MYO3A: variants seen among roughly 807,000 people sequenced by gnomAD.
The protein encoded by MYO3A is myosin-IIIa.
A neutral mutation model predicts 192.7 loss-of-function variants in MYO3A; 180 were observed. The ratio of observed to expected loss-of-function variants is 0.93; its 90% CI spans 0.83 to 1.06. MYO3A has a LOEUF of 1.06. MYO3A is among the 50% of genes least tolerant of loss of function. The pLI is 0.00. For missense variants in MYO3A, 1,896 were observed against 1,905.0 expected (o/e 1.00, Z 0.09); for synonymous variants, 628 against 645.3 (o/e 0.97, Z 0.41).
chr10:26,065,264 C>T (rs11014944), intron 10 of MYO3A, among the ~76,000 whole-genome samples: 72,199 of 151,942 alleles, frequency 0.48, 17,961 homozygotes, highest in Middle Eastern at 0.59. Flanking sequence ...GCTGCTTCCA[C>T]AGAGTGTCAA....
intron 31 of MYO3A, among the ~76,000 whole-genome samples, chr10:26,177,612 G>A (rs1842398010): frequency 6.6e-6 from 1 of 152,220 alleles, no homozygotes; most frequent in Admixed American, 6.5e-5. Context: ...CCCAGGAGCT[G>A]TCACGGTAAA....
chr10:26,128,493 A>G lies in MYO3A; in HGVS notation c.2217A>G (p.Glu739=). 6.2e-7 allele frequency: 1 copy of G among 1,612,884 alleles called. No homozygotes were observed. The change falls in exon 20 of 35, where the codon GAA becomes GAG. Residue 739 remains glutamate (E), a synonymous_variant. Coordinates refer to ENST00000642920, the MANE Select transcript of MYO3A (RefSeq NM_017433.5). ...AGCTGTGCATTAACATTGCAAATGA[A>G]CAAATTCAGTATTATTATAATCAAC... ...FEQLCINIAN[E]QIQYYYNQHV...
intron 2 of MYO3A, among the ~76,000 whole-genome samples, chr10:25,950,267 G>A (rs1837125378): frequency 1.3e-5 from 2 of 152,114 alleles, no homozygotes; most frequent in African/African-American, 4.8e-5. Context: ...TGTAGCTTTT[G>A]AGGTCAGAAT....
At chr10:26,071,083 G>A (rs12768879) in intron 14 of MYO3A, among the ~76,000 whole-genome samples, 71,991 of 151,562 alleles carry the variant, frequency 0.47, 17,890 homozygotes, top group Middle Eastern at 0.59. Context: ...GGGCAAAGGA[G>A]CTAGAATAAC....
At chr10:26,064,773 GTCTCTAAC>G (rs1439550124) in intron 10 of MYO3A, among the ~76,000 whole-genome samples, 2 of 152,082 alleles carry the variant, frequency 1.3e-5, no homozygotes, top group Non-Finnish European at 2.9e-5. Flanking sequence ...AGCCAAGGAT[GTCTCTAAC>G]ATCCTGAACA....
intron 7 of MYO3A, 127 bp from the exon 8 acceptor site, chr10:26,021,376 G>A (rs542516954): frequency 1.8e-6 from 2 of 1,109,350 alleles, no homozygotes; most frequent in African/African-American, 1.5e-5. Flanking sequence ...CTAAGTTACT[G>A]CCTTCGTCTT....
intron 4 of MYO3A, among the ~76,000 whole-genome samples, chr10:25,986,162 A>G (rs1839639791): frequency 6.6e-6 from 1 of 152,222 alleles, no homozygotes; most frequent in Non-Finnish European, 1.5e-5. Flanking sequence ...GCATCCCTTT[A>G]TGATTAAAGC....
chr10:26,054,836 A>T (rs777676399), intron 10 of MYO3A, among the ~76,000 whole-genome samples: 1 of 152,244 alleles, frequency 6.6e-6, no homozygotes, highest in African/African-American at 2.4e-5. Context: ...AGCCCTGCTG[A>T]TGACACGGTG....
At chr10:26,001,922 G>A (rs559300130) in intron 6 of MYO3A, among the ~76,000 whole-genome samples, 1 of 152,312 alleles carries the variant, frequency 6.6e-6, no homozygotes, top group Non-Finnish European at 1.5e-5. Flanking sequence ...AGGAGTTCGA[G>A]GCTGCAGTGA....
chr10:26,123,580 G>A (rs552669347), intron 18 of MYO3A, among the ~76,000 whole-genome samples: 1 of 152,310 alleles, frequency 6.6e-6, no homozygotes, highest in African/African-American at 2.4e-5. Flanking sequence ...TTATTTGGCT[G>A]AGAGGAGTGT....
intron 6 of MYO3A, among the ~76,000 whole-genome samples, chr10:26,012,364 C>G (rs1408906886): frequency 6.6e-6 from 1 of 152,132 alleles, no homozygotes; most frequent in African/African-American, 2.4e-5. Context: ...CCAAAAAACT[C>G]TTAGATTTGA....
chr10:26,119,106 T>A (rs1838694908), intron 17 of MYO3A, among the ~76,000 whole-genome samples: 1 of 152,194 alleles, frequency 6.6e-6, no homozygotes, highest in African/African-American at 2.4e-5. Context: ...ATAGTTCATG[T>A]CTGGTGCCTT....
At chr10:26,120,898 A>G in intron 18 of MYO3A, 96 bp downstream of exon 18, 2 of 1,476,300 alleles carry the variant, frequency 1.4e-6, no homozygotes, top group Admixed American at 1.8e-5. Context: ...AATTGTGCTA[A>G]CCTAGAATCC....
rs559912851 is a variant in MYO3A, at chr10:26,002,250, C to T, written c.508+4992C>T. Among the ~76,000 whole-genome samples the T allele has an allele frequency of 2.0e-5, 3 of 152,298 alleles. No individual in the cohort carries two copies. In the East Asian group the frequency reaches 5.8e-4, roughly 29 times the overall value. ...GCATAGAAACCTTCCCTCTCCTCTG[C>T]ACTGTTATATATAAAGTTTCAGTAC... is the stretch of plus-strand genomic sequence containing the variant. On this transcript the variant is annotated intron_variant, in intron 6 of 34. Coordinates refer to ENST00000642920, the MANE Select transcript of MYO3A (RefSeq NM_017433.5).
chr10:26,092,587 G>A (rs373128739), intron 15 of MYO3A, among the ~76,000 whole-genome samples: 381 of 152,310 alleles, frequency 2.5e-3, no homozygotes, highest in African/African-American at 8.5e-3. Flanking sequence ...CTTTGACACC[G>A]TTTGAGGCTG....
chr10:25,993,889 T>A (rs148232533), intron 4 of MYO3A, among the ~76,000 whole-genome samples: 9,746 of 152,198 alleles, frequency 0.064, 407 homozygotes, highest in Non-Finnish European at 0.094. Flanking sequence ...AGTTTGTTAT[T>A]ATTTCTGTTC....
chr10:25,957,895 A>G (rs552165115), intron 4 of MYO3A, among the ~76,000 whole-genome samples: 2 of 152,146 alleles, frequency 1.3e-5, no homozygotes, highest in South Asian at 4.1e-4. Context: ...TCTTCTTTTG[A>G]AAAGTATCTG....
chr10:26,145,950 T>A (rs931730497), intron 22 of MYO3A, among the ~76,000 whole-genome samples: 3 of 152,222 alleles, frequency 2.0e-5, no homozygotes, highest in African/African-American at 7.2e-5. Context: ...CTTGTAGCAA[T>A]GCCTGAGGAC....
chr10:26,185,329 CTTTTTTTTTTTTTTTTTTTTT>C (rs61581382), intron 31 of MYO3A, among the ~76,000 whole-genome samples: 1 of 63,856 alleles, frequency 1.6e-5, no homozygotes, highest in Non-Finnish European at 3.0e-5. Context: ...TTCCAGGATT[CTTTTTTTTTTTTTTTTTTTTT>C]TTTTTTTGAG....
Sources: gnomAD v4.1 joint callset for allele counts (sites outside exome capture counted in the v4.1 genomes callset) on GRCh38, gnomAD v4.1.1 for gene constraint, MANE v1.5 for transcripts, NCBI Gene and HGNC (gene_info 2026-07-23, HGNC 2026-07-21) for gene names.